The following VPS13D variants were observed in gnomAD, a reference collection of about 807,000 sequenced individuals.
The protein encoded by VPS13D is intermembrane lipid transfer protein VPS13D.
VPS13D carries 187 observed loss-of-function variants against 461.9 expected under a neutral mutation model. The observed-to-expected ratio is 0.40, with a 90% CI of 0.36 to 0.46. The LOEUF (loss-of-function observed/expected upper bound fraction) is 0.46. Ranked by LOEUF, VPS13D falls within the 20% of genes least tolerant of loss-of-function variation. The pLI is 0.60. For synonymous variants in VPS13D, 1,951 were observed against 1,986.3 expected (o/e 0.98, Z 0.47); for missense variants, 4,711 against 5,364.9 (o/e 0.88, Z 3.81).
chr1:12,478,149 C>A (rs78091784), intron 67 of VPS13D, among the ~76,000 whole-genome samples: 6,231 of 152,324 alleles, frequency 0.041, 178 homozygotes, highest in East Asian at 0.066. Context: ...TGTCCTTTTG[C>A]CCTTCCCCTG....
intron 60 of VPS13D, among the ~76,000 whole-genome samples, chr1:12,394,498 C>T (rs1276353344): frequency 6.6e-6 from 1 of 152,174 alleles, no homozygotes; most frequent in East Asian, 1.9e-4. Context: ...CAGTTATCCC[C>T]ATTGTGTTTA....
At chr1:12,312,622 T>C (rs1015005699) in intron 29 of VPS13D, among the ~76,000 whole-genome samples, 1 of 152,102 alleles carries the variant, frequency 6.6e-6, no homozygotes, top group African/African-American at 2.4e-5. Context: ...TAGCTGCGCA[T>C]GGTGGTGCAT....
intron 67 of VPS13D, among the ~76,000 whole-genome samples, chr1:12,485,381 T>A (rs1645784269): frequency 6.6e-6 from 1 of 152,132 alleles, no homozygotes; most frequent in African/African-American, 2.4e-5. Context: ...CATCTGTACC[T>A]TAGGTTGCCA....
At chr1:12,425,129 T>A (rs1444380053) in intron 65 of VPS13D, among the ~76,000 whole-genome samples, 1 of 152,224 alleles carries the variant, frequency 6.6e-6, no homozygotes, top group Non-Finnish European at 1.5e-5. Context: ...GAAGGTTCTT[T>A]CTAATTTTTT....
chr1:12,490,794 A>C (rs1035826774), intron 67 of VPS13D, among the ~76,000 whole-genome samples: 1 of 151,464 alleles, frequency 6.6e-6, no homozygotes, highest in Non-Finnish European at 1.5e-5. Context: ...AGCCCACGGC[A>C]TGGTGGGAGC....
chr1:12,431,426 C>T (rs1188746287), intron 65 of VPS13D, among the ~76,000 whole-genome samples: 1 of 150,442 alleles, frequency 6.6e-6, no homozygotes, highest in East Asian at 1.9e-4. Context: ...ACAGGGCTAG[C>T]CCTCAAACCC....
intron 16 of VPS13D, 89 bp downstream of exon 16, chr1:12,268,965 T>C (rs1456762069): frequency 1.4e-5 from 20 of 1,467,782 alleles, no homozygotes; most frequent in Admixed American, 2.1e-5. Flanking sequence ...GTTATTCAGA[T>C]GCTCTGATAG....
chr1:12,256,253 A>T, intron 7 of VPS13D, 80 bp from the exon 8 acceptor site: 2 of 1,511,436 alleles, frequency 1.3e-6, no homozygotes, highest in South Asian at 2.5e-5. Context: ...ACTGTTTGTC[A>T]TAAAACCCCA....
chr1:12,387,242 G>C (rs2101656814), intron 60 of VPS13D, among the ~76,000 whole-genome samples: 1 of 152,310 alleles, frequency 6.6e-6, no homozygotes, highest in East Asian at 1.9e-4. Flanking sequence ...ACTGAGCACT[G>C]CTATAGACTG....
chr1:12,285,631 C>T (rs760555830), intron 21 of VPS13D, among the ~76,000 whole-genome samples: 3 of 152,126 alleles, frequency 2.0e-5, no homozygotes, highest in Non-Finnish European at 4.4e-5. Context: ...TATCATTTCA[C>T]TCTACATACG....
In VPS13D at chr1:12,379,571, G is replaced by C; in HGVS notation, c.11165G>C (p.Cys3722Ser). ...TWSFREGKLTCGLHGLVVQAK... is the reference protein window; with the variant it reads ...TWSFREGKLTSGLHGLVVQAK... ...AGTTTCCGAGAAGGAAAACTGACCT[G>C]TGGGTTACATGGGTTGGTCGTCCAG... The change falls in exon 57 of 70, where the codon TGT (cysteine) becomes TCT (serine). Residue 3722 changes from cysteine to serine, a missense_variant. Around this residue, in one of 3 missense-constraint regions of VPS13D, gnomAD observed 4,411 missense variants for 4,937.8 expected, o/e 0.89. Transcript: ENST00000620676. 6.2e-7 allele frequency: 1 copy of C among 1,613,570 alleles called. No individual in the cohort carries two copies. The highest frequency in any genetic ancestry group is 2.2e-5 in the East Asian group (1 of 44,846).
At chr1:12,274,135 G>C (rs924509972) in intron 18 of VPS13D, among the ~76,000 whole-genome samples, 5 of 152,104 alleles carry the variant, frequency 3.3e-5, no homozygotes, top group Admixed American at 2.0e-4. Flanking sequence ...CTGCCTCCCA[G>C]GTTCAAGCAA....
At chr1:12,373,321 G>A (rs1018477063) in intron 54 of VPS13D, among the ~76,000 whole-genome samples, 3 of 151,632 alleles carry the variant, frequency 2.0e-5, no homozygotes, top group African/African-American at 4.8e-5. Flanking sequence ...GGATTTTGCC[G>A]TGTTGGTCAG....
chr1:12,367,548 G>A (rs943302321), intron 52 of VPS13D: 10 of 135,728 alleles, frequency 7.4e-5, no homozygotes, highest in Admixed American at 7.0e-5. Context: ...TGGTGGTTGC[G>A]ATGAAATTTA....
chr1:12,288,441 C>G, intron 22 of VPS13D, 128 bp downstream of exon 22: 4 of 794,126 alleles, frequency 5.0e-6, no homozygotes, highest in Middle Eastern at 2.3e-4. Flanking sequence ...GGTTATTAGT[C>G]TGGCCAGGAT....
chr1:12,268,684 T>G, intron 15 of VPS13D, 22 bp from the exon 16 acceptor site: 2 of 1,608,656 alleles, frequency 1.2e-6, no homozygotes, highest in Non-Finnish European at 1.7e-6. Context: ...TTCCGTGTTC[T>G]TATTCCTGTT....
chr1:12,445,780 A>G (rs921191616), intron 65 of VPS13D, among the ~76,000 whole-genome samples: 6 of 152,356 alleles, frequency 3.9e-5, no homozygotes, highest in Admixed American at 6.5e-5. Flanking sequence ...AGTTTTCTAA[A>G]GAAATGAGAC....
chr1:12,337,988 G>GAAAAAA, intron 39 of VPS13D: 1 of 297,048 alleles, frequency 3.4e-6, no homozygotes, highest in Non-Finnish European at 6.3e-6. Flanking sequence ...TCTAATTCAG[G>GAAAAAA]AAAAAAAAAA....
At chr1:12,402,065 C>G (rs1344551786) in intron 62 of VPS13D, among the ~76,000 whole-genome samples, 2 of 152,146 alleles carry the variant, frequency 1.3e-5, no homozygotes, top group Non-Finnish European at 2.9e-5. Context: ...GTTTCCTAAC[C>G]TTTGTTTCTT....
Sources: gnomAD v4.1 joint callset for allele counts (sites outside exome capture counted in the v4.1 genomes callset) on GRCh38, gnomAD v4.1.1 for gene constraint, gnomAD v4.1.1 regional missense constraint, MANE v1.5 for transcripts, NCBI Gene and HGNC (gene_info 2026-07-23, HGNC 2026-07-21) for gene names.